LLGL2: variants seen among roughly 807,000 people sequenced by gnomAD.
LLGL2 encodes the protein LLGL2, scribble cell polarity complex component.
LLGL2 carries 81 observed loss-of-function variants against 123.2 expected under a neutral mutation model. That is an observed-to-expected ratio of 0.66 (90% confidence interval 0.55 to 0.79). The LOEUF is 0.79. Ranked by LOEUF, LLGL2 falls within the 30% of genes least tolerant of loss-of-function variation. The pLI is 0.00. For missense variants in LLGL2, 1,273 were observed against 1,414.6 expected (o/e 0.90, Z 1.61); for synonymous variants, 577 against 594.1 (o/e 0.97, Z 0.42).
intron 2 of LLGL2, among the ~76,000 whole-genome samples, chr17:75,554,674 G>C (rs1401582540): frequency 6.6e-6 from 1 of 151,940 alleles, no homozygotes; most frequent in African/African-American, 2.4e-5. Context: ...GGGAGGCCAA[G>C]ATGGGCGGAT....
At chr17:75,528,240 C>T (rs1489310054) in intron 1 of LLGL2, among the ~76,000 whole-genome samples, 1 of 151,946 alleles carries the variant, frequency 6.6e-6, no homozygotes, top group African/African-American at 2.4e-5. Context: ...CTCGGCCTCC[C>T]GAGTAGCTGG....
At position 75,559,630 on chromosome 17, in the gene LLGL2, C is replaced by T. The variant is rs1322021509; in HGVS notation, c.530+220C>T. 1.3e-5 allele frequency among the ~76,000 whole-genome samples: 2 copies of T among 152,222 alleles called. No homozygotes were observed. On this transcript the variant is annotated intron_variant, in intron 6 of 25. Coordinates refer to ENST00000392550, the MANE Select transcript of LLGL2 (RefSeq NM_001031803.2). The surrounding 1 kb of genome is among the most constrained non-coding windows in gnomAD (Gnocchi z 4.6). ...CACTAAAAAGGGGGCTTTGAGGGTC[C>T]CTCGTCTAAAGGCCCCAAATGACTG...
At chr17:75,539,492 C>T (rs1217334294) in intron 1 of LLGL2, among the ~76,000 whole-genome samples, 1 of 152,114 alleles carries the variant, frequency 6.6e-6, no homozygotes, top group Admixed American at 6.5e-5. Flanking sequence ...GATCCTCCCA[C>T]CTTGGCCTCC....
At position 75,558,413 on chromosome 17, in the gene LLGL2, C is replaced by T. The variant is rs2055016531; in HGVS notation, c.256-99C>T. On this transcript the variant is annotated intron_variant, in intron 4 of 25. Coordinates refer to ENST00000392550, the MANE Select transcript of LLGL2 (RefSeq NM_001031803.2). This position sits in a 1 kb window ranked among gnomAD's most constrained non-coding sequence, Gnocchi z 4.0. The stretch of plus-strand genomic sequence containing the variant: ...GGCTCATGGGCCACCCTGGGAGTGG[C>T]CAGGGGGTCTTTTAAACAACTGGGG... 9 of 1,198,608 alleles carry T rather than the reference C, an allele frequency of 7.5e-6. No individual in the cohort carries two copies. Among genetic ancestry groups the T allele is most frequent in the Non-Finnish European group, 1.1e-5 (9 of 853,382 alleles). The allele number at this position is 1,198,608 out of a possible 1,614,324, so 74.2% of individuals were successfully genotyped here. A position where few individuals can be genotyped will look rare whatever the true frequency, so the allele number is the denominator to read the frequency against.
intron 1 of LLGL2, among the ~76,000 whole-genome samples, chr17:75,526,727 T>A (rs1303664840): frequency 1.3e-5 from 2 of 151,948 alleles, no homozygotes; most frequent in Admixed American, 1.3e-4. Flanking sequence ...GAACCTTGAG[T>A]TCTCTTGAAG....
In LLGL2 at chr17:75,558,749, G is replaced by A. The variant is rs1188971305; in HGVS notation, c.371+122G>A. 2.6e-6 allele frequency: 2 copies of A among 771,958 alleles called. No individual in the cohort carries two copies. Among genetic ancestry groups the A allele is most frequent in the African/African-American group, 3.4e-5 (2 of 58,172 alleles). 47.8% of individuals were successfully genotyped at this position (771,958 alleles called of 1,614,324 possible). ...CCCTGGCAGTGACTGGCATGCGTTT[G>A]GCCCGATGCATCGCCACACTCAGGT... is the stretch of plus-strand genomic sequence containing the variant. On this transcript the variant is annotated intron_variant, in intron 5 of 25. Transcript: ENST00000392550. This position sits in a 1 kb window ranked among gnomAD's most constrained non-coding sequence, Gnocchi z 4.0.
At chr17:75,535,572 C>T (rs2053969841) in intron 1 of LLGL2, among the ~76,000 whole-genome samples, 1 of 152,242 alleles carries the variant, frequency 6.6e-6, no homozygotes, top group Non-Finnish European at 1.5e-5. Flanking sequence ...CTTGGTCTCA[C>T]AGGGACAAAT....
rs927484508 is a variant in LLGL2 at position 75,571,683 on chromosome 17, C to G, written c.2193C>G (p.Pro731=). The G allele has an allele frequency of 1.9e-6, 3 of 1,608,924 alleles. No homozygotes were observed. The highest frequency in any genetic ancestry group is 2.5e-6 in the Non-Finnish European group (3 of 1,179,836). ...TCTCGGCAGGCTCCCGGCACTGCCC[C>G]TCGCTGTGGGCTGGCACCAATGGGG... ...TYLKDSSRHC[P]SLWAGTNGGT... is the part of the protein sequence containing the mutation. Residue 731 remains proline, a synonymous_variant, in exon 18 of 26, where the codon CCC becomes CCG. Coordinates refer to ENST00000392550, the MANE Select transcript of LLGL2 (RefSeq NM_001031803.2).
In LLGL2 at chr17:75,570,146, G is replaced by A. The variant is rs11868111; in HGVS notation, c.1765G>A (p.Ala589Thr). The A allele has an allele frequency of 1.6e-4, 256 of 1,591,478 alleles. No individual in the cohort carries two copies. The highest frequency in any genetic ancestry group is 9.9e-4 in the Middle Eastern group (6 of 6,036). Residue 589 changes from alanine to threonine, a missense_variant, in exon 15 of 26, where the codon GCT becomes ACT. Transcript: ENST00000392550. ...CGTGTTGGTGCAGTGTCAGCCCCCG[G>A]CTGTGGTCACCTCCTTGGCCCTGCA... ...PFVLVQCQPP[A>T]VVTSLALHSE...
chr17:75,540,623 C>G (rs2054171036), intron 1 of LLGL2, among the ~76,000 whole-genome samples: 2 of 152,216 alleles, frequency 1.3e-5, no homozygotes, highest in Admixed American at 1.3e-4. Context: ...CTCTTAATTG[C>G]AAGGGTGTCA....
chr17:75,562,085 C>A (rs1033504641), intron 6 of LLGL2, among the ~76,000 whole-genome samples: 2 of 152,056 alleles, frequency 1.3e-5, no homozygotes, highest in Admixed American at 1.3e-4. Context: ...GGGTCCACTT[C>A]CCACATCCTT....
At chr17:75,541,439 T>C (rs1270319043) in intron 1 of LLGL2, among the ~76,000 whole-genome samples, 1 of 152,194 alleles carries the variant, frequency 6.6e-6, no homozygotes, top group Admixed American at 6.5e-5. Flanking sequence ...CCAGAAGCCC[T>C]TGGGGCTTTC....
rs770591447 is a variant in LLGL2, at chr17:75,544,384, G to A, written c.75+883G>A. On this transcript the variant is annotated intron_variant, in intron 2 of 25. Transcript: ENST00000392550. The surrounding 1 kb of genome is among the most constrained non-coding windows in gnomAD (Gnocchi z 4.2). ...CTTCCGTTTGGGCTCCCCTGCCCCC[G>A]AAAGGAAGCAGTGGATGTGAGACCA... Among the ~76,000 whole-genome samples, 5 of 152,206 alleles carry A rather than the reference G, an allele frequency of 3.3e-5. No homozygotes were observed. Among genetic ancestry groups the A allele is most frequent in the East Asian group, 1.9e-4 (1 of 5,192 alleles).
At chr17:75,540,586 T>C (rs1352017598) in intron 1 of LLGL2, among the ~76,000 whole-genome samples, 1 of 152,212 alleles carries the variant, frequency 6.6e-6, no homozygotes, top group Admixed American at 6.5e-5. Flanking sequence ...TGCCAGCATC[T>C]GGGAGCGTGT....
At chr17:75,545,135 A>G (rs542028745) in intron 2 of LLGL2, among the ~76,000 whole-genome samples, 164 of 152,040 alleles carry the variant, frequency 1.1e-3, no homozygotes, top group African/African-American at 3.7e-3. Context: ...CCTTGCACCA[A>G]GTTCTGTCTG....
At position 75,556,079 on chromosome 17, in the gene LLGL2, G is replaced by A. The variant is rs765238069; in HGVS notation, c.109G>A (p.Ala37Thr). The A allele has an allele frequency of 1.1e-5, 17 of 1,609,642 alleles. No homozygotes were observed. The highest frequency in any genetic ancestry group is 6.7e-5 in the Admixed American group (4 of 60,008). The change falls in exon 3 of 26, where the codon GCC becomes ACC. Residue 37 changes from alanine to threonine, a missense_variant. Physicochemically the swap from Ala to Thr is moderately conservative, Grantham distance 58 (BLOSUM62 0). Coordinates refer to ENST00000392550, the MANE Select transcript of LLGL2 (RefSeq NM_001031803.2). ...VEHGFPHQPS[A>T]LGYSPSLRIL... ...GCATGGCTTCCCGCACCAGCCCAGCGCCCTCGGCTACAGCCCGTCCCTGCG... is the reference window on the plus strand; with the variant it reads ...GCATGGCTTCCCGCACCAGCCCAGCACCCTCGGCTACAGCCCGTCCCTGCG...
At chr17:75,535,439 G>T (rs2053964483) in intron 1 of LLGL2, among the ~76,000 whole-genome samples, 1 of 152,212 alleles carries the variant, frequency 6.6e-6, no homozygotes. Flanking sequence ...TCCTGCCGCT[G>T]GGTGTGGACT....
rs367641476 is a variant in LLGL2 at position 75,574,819 on chromosome 17, G to T, written c.3056-52G>T. On this transcript the variant is annotated intron_variant, in intron 25 of 25. Transcript: ENST00000392550. The stretch of plus-strand genomic sequence containing the variant: ...GTCTGGGCTCAGCGTGGGCGGCTGG[G>T]GCACCCCGTCCTGCCCAGGGTGATC... 3.7e-6 allele frequency: 6 copies of T among 1,608,916 alleles called. No individual in the cohort carries two copies. The Admixed American group carries it at 5.0e-5, about 13-fold the overall frequency.
At position 75,575,146 on chromosome 17, in the gene LLGL2, TA is replaced by T. The variant is rs1188247768; in HGVS notation, c.*270del. On this transcript the variant is annotated 3_prime_UTR_variant, in exon 26 of 26. Transcript: ENST00000392550. ...TCCCTTTTTGTAGTGGGCTGGGTTT[TA>T]AGTTATAAATGTTAACTGCCTCTGG... 1.2e-5 allele frequency: 7 copies of T among 578,742 alleles called. No individual in the cohort carries two copies. The highest frequency in any genetic ancestry group is 3.1e-5 in the Admixed American group (1 of 32,636). The allele number at this position is 578,742 out of a possible 1,614,324, so 35.9% of individuals were successfully genotyped here.
Sources: allele counts gnomAD v4.1 joint callset (sites outside exome capture counted in the v4.1 genomes callset), GRCh38; gene constraint gnomAD v4.1.1; non-coding constraint Gnocchi (gnomAD v3.1); transcripts MANE v1.5; gene names NCBI Gene and HGNC (gene_info 2026-07-23, HGNC 2026-07-21).